SNX29: variants seen among roughly 807,000 people sequenced by gnomAD.
SNX29 encodes sorting nexin-29.
In SNX29, 78 loss-of-function variants were observed where a neutral mutation model predicts 102.1. The ratio of observed to expected loss-of-function variants is 0.76; its 90% CI spans 0.64 to 0.92. SNX29 has a LOEUF of 0.92. SNX29 is among the 40% of genes least tolerant of loss of function. SNX29 has a pLI of 0.00. For synonymous variants in SNX29, 580 were observed against 414.5 expected (o/e 1.40, Z -4.85); for missense variants, 1,280 against 1,061.7 (o/e 1.21, Z -2.86).
intron 4 of SNX29, among the ~76,000 whole-genome samples, chr16:12,039,029 G>T (rs917074035): frequency 6.6e-6 from 1 of 152,166 alleles, no homozygotes; most frequent in South Asian, 2.1e-4. Context: ...AGATAGTCTC[G>T]AGGGACCTGC....
At chr16:12,079,869 A>G (rs1285771852) in intron 11 of SNX29, among the ~76,000 whole-genome samples, 1 of 152,144 alleles carries the variant, frequency 6.6e-6, no homozygotes, top group African/African-American at 2.4e-5. Flanking sequence ...GAGCAGAGAG[A>G]CTTCGTCTAT....
intron 7 of SNX29, among the ~76,000 whole-genome samples, chr16:12,050,671 C>G (rs2050261615): frequency 1.3e-5 from 2 of 151,998 alleles, no homozygotes; most frequent in African/African-American, 4.8e-5. Flanking sequence ...AAGCTGAGAC[C>G]TTTTAACACC....
chr16:12,173,567 T>G (rs773919380), intron 13 of SNX29, among the ~76,000 whole-genome samples: 1 of 152,202 alleles, frequency 6.6e-6, no homozygotes, highest in Non-Finnish European at 1.5e-5. Flanking sequence ...TAGCTCTCTC[T>G]CATTCTGTCA....
chr16:12,245,210 C>T (rs1008442016), intron 14 of SNX29, among the ~76,000 whole-genome samples: 8 of 152,112 alleles, frequency 5.3e-5, no homozygotes, highest in African/African-American at 1.9e-4. Flanking sequence ...GGAATCCTGG[C>T]ATTGCTCCCT....
chr16:12,088,605 T>C (rs75513901), intron 11 of SNX29, among the ~76,000 whole-genome samples: 1 of 152,346 alleles, frequency 6.6e-6, no homozygotes, highest in Non-Finnish European at 1.5e-5. Flanking sequence ...TCTTTCTTTG[T>C]ATTTTCTTCT....
At chr16:12,566,360 T>C (rs1241896958) in intron 20 of SNX29, among the ~76,000 whole-genome samples, 1 of 152,042 alleles carries the variant, frequency 6.6e-6, no homozygotes, top group Non-Finnish European at 1.5e-5. Context: ...CTGCTACCTC[T>C]CCTCTCCCAA....
chr16:12,261,603 G>GCT (rs1490974304), intron 14 of SNX29, among the ~76,000 whole-genome samples: 1 of 133,108 alleles, frequency 7.5e-6, no homozygotes. Flanking sequence ...GTGAGTGTTT[G>GCT]CTGAGCTCGG....
intron 20 of SNX29, among the ~76,000 whole-genome samples, chr16:12,543,945 G>T (rs182526362): frequency 3.3e-5 from 5 of 152,252 alleles, no homozygotes; most frequent in Middle Eastern, 3.4e-3. Context: ...CGTTCTAAGC[G>T]AGGAGCCTAT....
rs200791236 is a variant in SNX29, at chr16:12,557,970, TCTG to T, written c.2319-10533_2319-10531del. Among the ~76,000 whole-genome samples the T allele has an allele frequency of 6.6e-3, 1,000 of 152,240 alleles. 13 individuals carry two copies. The highest frequency in any genetic ancestry group is 0.022 in the African/African-American group (933 of 41,516). On this transcript the variant is annotated intron_variant, in intron 20 of 20. Transcript: ENST00000566228. Reference sequence around the variant, plus strand: ...GCTTGCCCTGTCTTCCTGTGGGTCTTCTGCTTAAGATTTTAGCCACGGTTGGTT... The same window carrying T: ...GCTTGCCCTGTCTTCCTGTGGGTCTTCTTAAGATTTTAGCCACGGTTGGTT...
At chr16:12,024,871 T>C (rs1280627738) in intron 3 of SNX29, among the ~76,000 whole-genome samples, 1 of 152,208 alleles carries the variant, frequency 6.6e-6, no homozygotes, top group Non-Finnish European at 1.5e-5. Flanking sequence ...CCCAGAGTTT[T>C]TTTGTTTTTG....
At chr16:12,542,422 G>A (rs140215152) in intron 20 of SNX29, among the ~76,000 whole-genome samples, 207 of 152,268 alleles carry the variant, frequency 1.4e-3, no homozygotes, top group African/African-American at 4.2e-3. Context: ...TACAGCCTTC[G>A]CCTCCCAAGT....
At chr16:12,262,826 TCA>T (rs1475595981) in intron 14 of SNX29, among the ~76,000 whole-genome samples, 1 of 152,228 alleles carries the variant, frequency 6.6e-6, no homozygotes, top group African/African-American at 2.4e-5. Context: ...TTCCGTGTAT[TCA>T]CAGAGTTGTG....
chr16:12,386,924 A>G (rs935944710), intron 16 of SNX29, among the ~76,000 whole-genome samples: 1 of 152,090 alleles, frequency 6.6e-6, no homozygotes. Flanking sequence ...CAGGAATTCA[A>G]GACTAGCCTG....
At chr16:12,485,909 G>A (rs2088206519) in intron 19 of SNX29, among the ~76,000 whole-genome samples, 1 of 152,192 alleles carries the variant, frequency 6.6e-6, no homozygotes, top group African/African-American at 2.4e-5. Flanking sequence ...CTAGGAGAGG[G>A]AGTAGGTGGG....
intron 9 of SNX29, among the ~76,000 whole-genome samples, chr16:12,068,640 G>T (rs2051150302): frequency 6.6e-6 from 1 of 152,192 alleles, no homozygotes; most frequent in South Asian, 2.1e-4. Context: ...TACCTCCAGG[G>T]TTCAAGCGAT....
At chr16:12,015,774 ATC>A in intron 3 of SNX29, among the ~76,000 whole-genome samples, 1 of 151,356 alleles carries the variant, frequency 6.6e-6, no homozygotes, top group South Asian at 2.1e-4. Flanking sequence ...TGACCTCGTG[ATC>A]TGCCCACCTT....
At chr16:12,285,867 T>A (rs1303081332) in intron 15 of SNX29, among the ~76,000 whole-genome samples, 1 of 152,230 alleles carries the variant, frequency 6.6e-6, no homozygotes, top group Non-Finnish European at 1.5e-5. Flanking sequence ...ATTTATTTTT[T>A]ATTTTTCTGA....
At chr16:12,429,978 G>C (rs1343919908) in intron 18 of SNX29, among the ~76,000 whole-genome samples, 1 of 152,220 alleles carries the variant, frequency 6.6e-6, no homozygotes, top group Non-Finnish European at 1.5e-5. Flanking sequence ...GCTGTTGCCT[G>C]TTAGGAACCG....
chr16:12,457,750 G>T (rs1228850862), intron 18 of SNX29, among the ~76,000 whole-genome samples: 1 of 152,170 alleles, frequency 6.6e-6, no homozygotes, highest in Non-Finnish European at 1.5e-5. Flanking sequence ...GCCCCATCTT[G>T]TATGTGAGGA....
Sources: allele counts gnomAD v4.1 joint callset (sites outside exome capture counted in the v4.1 genomes callset), GRCh38; gene constraint gnomAD v4.1.1; transcripts MANE v1.5; gene names NCBI Gene and HGNC (gene_info 2026-07-23, HGNC 2026-07-21).